Variants in CNTNAP5 observed in about 807,000 individuals in gnomAD.
The protein encoded by CNTNAP5 is contactin-associated protein-like 5.
Under a neutral mutation model 150.2 loss-of-function variants are expected in CNTNAP5, and 72 were observed. The ratio of observed to expected loss-of-function variants is 0.48; its 90% CI spans 0.40 to 0.58. The LOEUF (loss-of-function observed/expected upper bound fraction) is 0.58. Ranked by LOEUF, CNTNAP5 falls within the 20% of genes least tolerant of loss-of-function variation. The probability of loss-of-function intolerance (pLI) is 0.00; values close to 1 mark genes in which losing one functional copy is unlikely to be tolerated. For missense variants in CNTNAP5, 1,636 were observed against 1,626.2 expected (o/e 1.01, Z -0.10); for synonymous variants, 672 against 619.8 (o/e 1.08, Z -1.25).
Position 124,504,479 on chromosome 2 carries a change from T to C in CNTNAP5, c.1250T>C (p.Leu417Pro). ...GAGCTGTCTGAGGGCTCGGGAACCC[T>C]GCTGCTGAGCCTGGAGGGTGGAATC... ...STELSEGSGT[L>P]LLSLEGGILR... is the part of the protein sequence containing the mutation. The change falls in exon 8 of 24, where the codon CTG (leucine) becomes CCG (proline). Residue 417 changes from leucine (L) to proline (P), a missense_variant. Physicochemically the swap from Leu to Pro is moderately conservative, Grantham distance 98. Coordinates refer to ENST00000682447, the MANE Select transcript of CNTNAP5 (RefSeq NM_001367498.1). 6.2e-7 allele frequency: 1 copy of C among 1,613,810 alleles called. No homozygotes were observed.
chr2:124,407,821 T>A (rs1282757178), intron 3 of CNTNAP5, among the ~76,000 whole-genome samples: 2 of 152,128 alleles, frequency 1.3e-5, no homozygotes, highest in Admixed American at 1.3e-4. Context: ...TGAAGACAAT[T>A]GTGTTTCTCT....
intron 11 of CNTNAP5, among the ~76,000 whole-genome samples, chr2:124,605,222 C>T (rs930059777): frequency 2.0e-5 from 3 of 152,198 alleles, no homozygotes; most frequent in African/African-American, 4.8e-5. Flanking sequence ...CAATCCCAGA[C>T]TAAATGGCTG....
At chr2:124,902,006 C>G (rs1339678405) in intron 21 of CNTNAP5, among the ~76,000 whole-genome samples, 1 of 152,028 alleles carries the variant, frequency 6.6e-6, no homozygotes, top group Non-Finnish European at 1.5e-5. Flanking sequence ...TTTCAGAAAA[C>G]AAACACATTA....
intron 21 of CNTNAP5, among the ~76,000 whole-genome samples, chr2:124,884,698 A>G (rs1678043086): frequency 6.6e-6 from 1 of 152,016 alleles, no homozygotes; most frequent in Non-Finnish European, 1.5e-5. Flanking sequence ...CGTAGTGCAG[A>G]CAAGAGCTGG....
rs181038250 is a variant in CNTNAP5 at position 124,775,166 on chromosome 2, A to C, written c.2752+2149A>C. Among the ~76,000 whole-genome samples the C allele has an allele frequency of 1.2e-4, 18 of 152,338 alleles. No individual in the cohort carries two copies. In the East Asian group the frequency reaches 3.3e-3, roughly 28 times the overall value. On this transcript the variant is annotated intron_variant, in intron 17 of 23. Transcript: ENST00000682447. The stretch of plus-strand genomic sequence containing the variant: ...TTTCAGTTTGAATTTTCCTATTTAG[A>C]GTTCAGTGATATGCCCATTTAGAAA...
intron 13 of CNTNAP5, among the ~76,000 whole-genome samples, chr2:124,684,105 T>A (rs1679141838): frequency 6.6e-6 from 1 of 152,298 alleles, no homozygotes; most frequent in South Asian, 2.1e-4. Flanking sequence ...TTAGACCCAC[T>A]GTCAGAGTTT....
chr2:124,826,278 T>C (rs759211050), intron 19 of CNTNAP5, among the ~76,000 whole-genome samples: 40 of 152,176 alleles, frequency 2.6e-4, no homozygotes, highest in Non-Finnish European at 2.9e-4. Context: ...GGGTTCCTTG[T>C]GAAGGTGAAA....
intron 12 of CNTNAP5, among the ~76,000 whole-genome samples, chr2:124,621,526 A>G (rs1459329757): frequency 6.6e-6 from 1 of 152,198 alleles, no homozygotes; most frequent in African/African-American, 2.4e-5. Context: ...CAAAGCATGC[A>G]TAATGGAGTA....
chr2:124,648,512 CTT>C (rs1267935582), intron 13 of CNTNAP5, among the ~76,000 whole-genome samples: 1 of 152,122 alleles, frequency 6.6e-6, no homozygotes, highest in Non-Finnish European at 1.5e-5. Flanking sequence ...GGAAATGACT[CTT>C]TTTATAAGTA....
At position 124,182,649 on chromosome 2, in the gene CNTNAP5, C is replaced by T. The variant is rs576115380; in HGVS notation, c.83-39056C>T. Among the ~76,000 whole-genome samples, 33 of 152,236 alleles carry T rather than the reference C, an allele frequency of 2.2e-4. No individual in the cohort carries two copies. In the South Asian group the frequency reaches 6.6e-3, roughly 31 times the overall value. On this transcript the variant is annotated intron_variant, in intron 1 of 23. Coordinates refer to ENST00000682447, the MANE Select transcript of CNTNAP5 (RefSeq NM_001367498.1). ...ATGTTTCTATTTAAGTATTTTTCAG[C>T]TACTTAACTGTGTCCACTAAAATTC... is the stretch of plus-strand genomic sequence containing the variant.
chr2:124,365,694 T>C (rs1373904938), intron 3 of CNTNAP5, among the ~76,000 whole-genome samples: 2 of 152,210 alleles, frequency 1.3e-5, no homozygotes, highest in African/African-American at 2.4e-5. Flanking sequence ...CTTCCTACTT[T>C]GTGAAACTCC....
At chr2:124,542,241 A>G (rs976521811) in intron 10 of CNTNAP5, among the ~76,000 whole-genome samples, 2 of 149,538 alleles carry the variant, frequency 1.3e-5, no homozygotes, top group Non-Finnish European at 3.0e-5. Flanking sequence ...TTTACCTCCT[A>G]CTATATGATG....
At chr2:124,429,865 G>A (rs1692329790) in intron 4 of CNTNAP5, among the ~76,000 whole-genome samples, 1 of 152,120 alleles carries the variant, frequency 6.6e-6, no homozygotes, top group African/African-American at 2.4e-5. Context: ...GGAGACTTGG[G>A]CAACATCACA....
chr2:124,385,758 A>G (rs1047969557), intron 3 of CNTNAP5, among the ~76,000 whole-genome samples: 7 of 152,194 alleles, frequency 4.6e-5, no homozygotes, highest in Non-Finnish European at 1.5e-5. Flanking sequence ...ATAATCATAT[A>G]TATTCTTAGA....
At chr2:124,273,569 C>A (rs1022059276) in intron 3 of CNTNAP5, among the ~76,000 whole-genome samples, 1 of 152,090 alleles carries the variant, frequency 6.6e-6, no homozygotes, top group African/African-American at 2.4e-5. Context: ...AACATATACA[C>A]GGTGTGCTTT....
chr2:124,457,209 A>G (rs188972023), intron 6 of CNTNAP5, among the ~76,000 whole-genome samples: 1 of 152,320 alleles, frequency 6.6e-6, no homozygotes, highest in Non-Finnish European at 1.5e-5. Context: ...AGAAGATAAC[A>G]TTGGAAAAAT....
At chr2:124,543,009 A>T (rs779369968) in intron 10 of CNTNAP5, among the ~76,000 whole-genome samples, 1 of 152,128 alleles carries the variant, frequency 6.6e-6, no homozygotes, top group Non-Finnish European at 1.5e-5. Flanking sequence ...GAGATTTAGG[A>T]GTTAAAGCCT....
rs985488817 is a variant in CNTNAP5, at chr2:124,864,461, A to G, written c.3218-845A>G. On this transcript the variant is annotated intron_variant, in intron 19 of 23. Transcript: ENST00000682447. Reference sequence around the variant, plus strand: ...TAGAACACTAGAACTTATTCCTCCCATCTAGCTTAATCTTATTTCCCTTAA... The same window carrying G: ...TAGAACACTAGAACTTATTCCTCCCGTCTAGCTTAATCTTATTTCCCTTAA... Among the ~76,000 whole-genome samples the G allele has an allele frequency of 2.7e-5, 4 of 149,280 alleles. No homozygotes were observed. In the South Asian group the frequency reaches 8.3e-4, roughly 31 times the overall value.
chr2:124,774,062 C>G (rs1207714993), intron 17 of CNTNAP5, among the ~76,000 whole-genome samples: 1 of 151,790 alleles, frequency 6.6e-6, no homozygotes, highest in Non-Finnish European at 1.5e-5. Context: ...AAATCGAGCT[C>G]TTAAAGTTAA....
Sources: gnomAD v4.1 joint callset for allele counts (sites outside exome capture counted in the v4.1 genomes callset) on GRCh38, gnomAD v4.1.1 for gene constraint, MANE v1.5 for transcripts, NCBI Gene and HGNC (gene_info 2026-07-23, HGNC 2026-07-21) for gene names.